B3GLCT: variants seen among roughly 807,000 people sequenced by gnomAD.
The protein encoded by B3GLCT is beta 3-glucosyltransferase, also known as beta-1,3-glucosyltransferase.
B3GLCT carries 65 observed loss-of-function variants against 63.4 expected under a neutral mutation model. The ratio of observed to expected loss-of-function variants is 1.03; its 90% CI spans 0.84 to 1.26. B3GLCT has a LOEUF of 1.26. Ranked by LOEUF, B3GLCT falls within the 50% of genes most tolerant of loss-of-function variation. The pLI, the probability that B3GLCT is intolerant of heterozygous loss-of-function variation, is 0.00. For synonymous variants in B3GLCT, 233 were observed against 219.2 expected (o/e 1.06, Z -0.55); for missense variants, 577 against 604.8 (o/e 0.95, Z 0.48).
At chr13:31,289,602 T>TAC (rs1018964027) in intron 12 of B3GLCT, among the ~76,000 whole-genome samples, 2 of 122,628 alleles carry the variant, frequency 1.6e-5, no homozygotes, top group Admixed American at 1.9e-4. Flanking sequence ...GATGGCACTT[T>TAC]AGCCATCGTG....
chr13:31,317,880 G>C, intron 13 of B3GLCT, among the ~76,000 whole-genome samples, 195 bp downstream of exon 13: 1 of 103,774 alleles, frequency 9.6e-6, no homozygotes, highest in Admixed American at 9.5e-5. Flanking sequence ...TTTAGCCCTT[G>C]AAGAAATGAT....
intron 12 of B3GLCT, among the ~76,000 whole-genome samples, chr13:31,310,807 A>G (rs1298901336): frequency 2.6e-5 from 4 of 152,214 alleles, no homozygotes; most frequent in Non-Finnish European, 4.4e-5. Context: ...GGCATCTCCA[A>G]GTTTTCAGGC....
chr13:31,269,655 C>T (rs1482439470), intron 8 of B3GLCT, among the ~76,000 whole-genome samples: 1 of 149,466 alleles, frequency 6.7e-6, no homozygotes, highest in Non-Finnish European at 1.5e-5. Context: ...CCCCCTAATT[C>T]ATACCTTGAA....
intron 3 of B3GLCT, among the ~76,000 whole-genome samples, chr13:31,225,650 A>G (rs1468279856): frequency 6.6e-6 from 1 of 152,052 alleles, no homozygotes; most frequent in Non-Finnish European, 1.5e-5. Context: ...TAATACCCCC[A>G]TGCGTCCTGT....
At chr13:31,308,966 C>T (rs1305184951) in intron 12 of B3GLCT, among the ~76,000 whole-genome samples, 1 of 152,178 alleles carries the variant, frequency 6.6e-6, no homozygotes, top group Non-Finnish European at 1.5e-5. Flanking sequence ...GTATAGATAA[C>T]AATAATCAAG....
chr13:31,209,914 T>C (rs1869170632), intron 1 of B3GLCT, among the ~76,000 whole-genome samples: 1 of 152,174 alleles, frequency 6.6e-6, no homozygotes, highest in Non-Finnish European at 1.5e-5. Context: ...TGGGACAAAA[T>C]CAAGTTAGGA....
intron 2 of B3GLCT, among the ~76,000 whole-genome samples, chr13:31,220,539 A>G (rs998246753): frequency 4.6e-5 from 7 of 152,244 alleles, no homozygotes; most frequent in Non-Finnish European, 1.0e-4. Context: ...AGGAAGAACT[A>G]AGTCTTTTCA....
intron 12 of B3GLCT, among the ~76,000 whole-genome samples, chr13:31,300,159 T>C (rs1465798098): frequency 6.6e-6 from 1 of 152,190 alleles, no homozygotes; most frequent in Non-Finnish European, 1.5e-5. Flanking sequence ...CAGGGTAGTG[T>C]AGAATCCAGT....
chr13:31,284,736 T>C lies in B3GLCT; in HGVS notation c.939T>C (p.Asp313=). 1.3e-6 allele frequency: 2 copies of C among 1,592,960 alleles called. No homozygotes were observed. The highest frequency in any genetic ancestry group is 1.7e-6 in the Non-Finnish European group (2 of 1,160,734). ...DYTENSIPTV[D]LGIPNTDRGH... ...CTGAAAATTCCATTCCTACTGTGGATTTGGGAATTCCTAATACAGATAGAG... is the reference window on the plus strand; with the variant it reads ...CTGAAAATTCCATTCCTACTGTGGACTTGGGAATTCCTAATACAGATAGAG... Residue 313 remains aspartate (D), a synonymous_variant, in exon 11 of 15, where the codon GAT becomes GAC. Transcript: ENST00000343307.
At chr13:31,274,399 C>T in intron 8 of B3GLCT, 110 bp from the exon 9 acceptor site, 1 of 1,406,594 alleles carries the variant, frequency 7.1e-7, no homozygotes, top group Non-Finnish European at 1.0e-6. Flanking sequence ...TATGGTTCAG[C>T]CTACTCTCTA....
intron 1 of B3GLCT, among the ~76,000 whole-genome samples, chr13:31,209,791 G>A (rs945694505): frequency 2.0e-5 from 3 of 152,208 alleles, no homozygotes; most frequent in Non-Finnish European, 2.9e-5. Context: ...TCCTGCCAGC[G>A]CCCTCTGAGG....
Position 31,320,814 on chromosome 13 carries a change from C to T in B3GLCT, c.1185-2937C>T, listed in dbSNP as rs184717886. Among the ~76,000 whole-genome samples, 90 of 152,284 alleles carry T rather than the reference C, an allele frequency of 5.9e-4. 1 individual carries two copies. In the East Asian group the frequency reaches 0.013, roughly 22 times the overall value. On this transcript the variant is annotated intron_variant, in intron 13 of 14. Transcript: ENST00000343307. Reference sequence around the variant, plus strand: ...ATTTTTTTCCTCTCCTCCCAAGATACGACATTCGCTGGTCTCTGCATACCA... The same window carrying T: ...ATTTTTTTCCTCTCCTCCCAAGATATGACATTCGCTGGTCTCTGCATACCA...
chr13:31,297,911 G>T (rs994659766), intron 12 of B3GLCT, among the ~76,000 whole-genome samples: 12 of 152,040 alleles, frequency 7.9e-5, no homozygotes, highest in African/African-American at 2.9e-4. Context: ...ATGAGAGAAG[G>T]GGTGTGGAGC....
At chr13:31,296,424 A>G (rs1873947050) in intron 12 of B3GLCT, among the ~76,000 whole-genome samples, 1 of 152,170 alleles carries the variant, frequency 6.6e-6, no homozygotes, top group Non-Finnish European at 1.5e-5. Context: ...AATGGTGGAA[A>G]GAGAGCAAGC....
intron 8 of B3GLCT, among the ~76,000 whole-genome samples, chr13:31,271,882 T>C (rs1373351475): frequency 6.6e-6 from 1 of 152,234 alleles, no homozygotes; most frequent in African/African-American, 2.4e-5. Context: ...GCATACAAAC[T>C]TAGAATTGTT....
intron 12 of B3GLCT, among the ~76,000 whole-genome samples, chr13:31,293,990 A>G (rs954343388): frequency 6.6e-6 from 1 of 152,114 alleles, no homozygotes; most frequent in Admixed American, 6.5e-5. Context: ...GAGCTCTTGT[A>G]AGGAAGGCCT....
chr13:31,269,183 TA>T lies in B3GLCT; in HGVS notation c.597-23del, dbSNP rs3215787. On this transcript the variant is annotated intron_variant, in intron 7 of 14. Transcript: ENST00000343307. ...AGTCTTGCTTGACACTTCTTTTGGTTAAAAAAAATCAAATTGTCTCTATTTT... is the reference window on the plus strand; with the variant it reads ...AGTCTTGCTTGACACTTCTTTTGGTTAAAAAAATCAAATTGTCTCTATTTT... 337,166 of 1,531,210 alleles carry T rather than the reference TA, an allele frequency of 0.22. 38,038 individuals are homozygous for T. The highest frequency in any genetic ancestry group is 0.26 in the East Asian group (11,384 of 44,376). The allele number at this position is 1,531,210 out of a possible 1,614,324, so 94.9% of individuals were successfully genotyped here.
rs1429017459 is a variant in B3GLCT, at chr13:31,316,408, TA to T, written c.1065-1157del. ...GGAATCAAGGAGATTTTGGAGGTTT[TA>T]TATATATATATATATATATATAAAT... is the stretch of plus-strand genomic sequence containing the variant. On this transcript the variant is annotated intron_variant, in intron 12 of 14. Coordinates refer to ENST00000343307, the MANE Select transcript of B3GLCT (RefSeq NM_194318.4). Among the ~76,000 whole-genome samples, 75 of 19,934 alleles carry T rather than the reference TA, an allele frequency of 3.8e-3. 5 individuals are homozygous for T. Among genetic ancestry groups the T allele is most frequent in the Non-Finnish European group, 5.9e-3 (55 of 9,304 alleles). 13.1% of individuals were successfully genotyped at this position (19,934 alleles called of 152,430 possible). A position where few individuals can be genotyped will look rare whatever the true frequency, so the allele number is the denominator to read the frequency against.
At chr13:31,317,415 T>C (rs1001041735) in intron 12 of B3GLCT, 151 bp from the exon 13 acceptor site, 5 of 867,086 alleles carry the variant, frequency 5.8e-6, no homozygotes, top group African/African-American at 5.1e-5. Context: ...TTTAAAAATT[T>C]TATTTATTTT....
Sources: gnomAD v4.1 joint callset for allele counts (sites outside exome capture counted in the v4.1 genomes callset) on GRCh38, gnomAD v4.1.1 for gene constraint, MANE v1.5 for transcripts, NCBI Gene and HGNC (gene_info 2026-07-23, HGNC 2026-07-21) for gene names.